Variants in ACMSD observed in about 807,000 individuals in gnomAD.
The protein encoded by ACMSD is 2-amino-3-carboxymuconate-6-semialdehyde decarboxylase.
ACMSD carries 37 observed loss-of-function variants against 45.9 expected under a neutral mutation model. The ratio of observed to expected loss-of-function variants is 0.81; its 90% CI spans 0.62 to 1.06. ACMSD has a LOEUF of 1.06. ACMSD is among the 50% of genes least tolerant of loss of function. The pLI, the probability that ACMSD is intolerant of heterozygous loss-of-function variation, is 0.00. For missense variants in ACMSD, 434 were observed against 420.9 expected, an observed-to-expected ratio of 1.03 and a Z score of -0.27; for synonymous variants, 138 against 148.8, an observed-to-expected ratio of 0.93 and a Z score of 0.53.
chr2:134,895,353 T>TA (rs1210824812), intron 8 of ACMSD, among the ~76,000 whole-genome samples: 1 of 141,542 alleles, frequency 7.1e-6, no homozygotes. Context: ...ATATATAACA[T>TA]ATATAATATA....
chr2:134,847,437 TAG>T lies in ACMSD; in HGVS notation c.102+2162_102+2163del, dbSNP rs771912047. ...ATAGATAGATAGATAGATAGATAGA[TAG>T]ATAGATAGATATAGATAGAGATAGA... On this transcript the variant is annotated intron_variant, in intron 2 of 9. Coordinates refer to ENST00000356140, the MANE Select transcript of ACMSD (RefSeq NM_138326.3). 1.9e-3 allele frequency among the ~76,000 whole-genome samples: 282 copies of T among 147,980 alleles called. 1 individual carries two copies. Among genetic ancestry groups the T allele is most frequent in the African/African-American group, 6.9e-3 (273 of 39,706 alleles).
intron 8 of ACMSD, among the ~76,000 whole-genome samples, chr2:134,894,774 G>C (rs1689998143): frequency 1.3e-5 from 2 of 152,184 alleles, no homozygotes; most frequent in East Asian, 3.9e-4. Context: ...AAAGCATCTA[G>C]ATTGGAAGAG....
chr2:134,877,989 C>A (rs1330152245), intron 8 of ACMSD, among the ~76,000 whole-genome samples: 1 of 152,166 alleles, frequency 6.6e-6, no homozygotes, highest in Non-Finnish European at 1.5e-5. Context: ...CTCACCCCTA[C>A]CAAGACTGCC....
chr2:134,884,023 G>A (rs796349691), intron 8 of ACMSD, among the ~76,000 whole-genome samples: 1 of 152,066 alleles, frequency 6.6e-6, no homozygotes, highest in African/African-American at 2.4e-5. Flanking sequence ...CGAAATTACT[G>A]ACAAGTCAGA....
intron 1 of ACMSD, 91 bp from the exon 2 acceptor site, chr2:134,845,142 G>A: frequency 1.5e-6 from 2 of 1,319,190 alleles, no homozygotes; most frequent in Non-Finnish European, 2.2e-6. Flanking sequence ...TGCTTGAAAG[G>A]TGGAGCTCAG....
At chr2:134,846,764 A>G (rs1687071353) in intron 2 of ACMSD, among the ~76,000 whole-genome samples, 1 of 152,060 alleles carries the variant, frequency 6.6e-6, no homozygotes, top group Non-Finnish European at 1.5e-5. Flanking sequence ...AGGCCCACCA[A>G]CCTAGACACT....
chr2:134,870,868 A>G, intron 6 of ACMSD, 97 bp from the exon 7 acceptor site: 1 of 1,038,058 alleles, frequency 9.6e-7, no homozygotes, highest in Non-Finnish European at 1.5e-6. Flanking sequence ...AAGGGCCTCA[A>G]GTTTCTTTGC....
chr2:134,899,582 A>G (rs1006154411), intron 9 of ACMSD, among the ~76,000 whole-genome samples: 3 of 152,140 alleles, frequency 2.0e-5, no homozygotes, highest in Non-Finnish European at 4.4e-5. Flanking sequence ...AACTTAATGG[A>G]ATAATAGTAA....
chr2:134,868,783 T>C (rs748189388), intron 6 of ACMSD, among the ~76,000 whole-genome samples: 9 of 152,078 alleles, frequency 5.9e-5, no homozygotes, highest in Non-Finnish European at 8.8e-5. Context: ...CATTGTTCTT[T>C]CTCTCCTCAG....
Position 134,861,867 on chromosome 2 carries a change from G to C in ACMSD, c.200-102G>C, listed in dbSNP as rs1687865494. 1.1e-5 allele frequency: 13 copies of C among 1,222,302 alleles called. No homozygotes were observed. In the South Asian group the frequency reaches 1.3e-4, roughly 12 times the overall value. 75.7% of individuals were successfully genotyped at this position (1,222,302 alleles called of 1,614,324 possible). A position where few individuals can be genotyped will look rare whatever the true frequency, so the allele number is the denominator to read the frequency against. On this transcript the variant is annotated intron_variant, in intron 3 of 9. Transcript: ENST00000356140. ...AGGGACGCAGGGAGGGAGAGCAGGA[G>C]GAGTTTAGGGTGGAGGCTTGCTGCC...
intron 2 of ACMSD, among the ~76,000 whole-genome samples, chr2:134,855,393 C>A (rs185204651): frequency 5.3e-5 from 8 of 152,342 alleles, no homozygotes; most frequent in Non-Finnish European, 1.5e-5. Flanking sequence ...ATGGCCACTG[C>A]TGGAATCACT....
At chr2:134,879,902 G>C (rs565237403) in intron 8 of ACMSD, among the ~76,000 whole-genome samples, 1 of 152,032 alleles carries the variant, frequency 6.6e-6, no homozygotes, top group East Asian at 1.9e-4. Context: ...CTCTTCATGA[G>C]GATATTCTCA....
chr2:134,852,551 C>CG (rs1324577540), intron 2 of ACMSD, among the ~76,000 whole-genome samples: 1 of 152,126 alleles, frequency 6.6e-6, no homozygotes, highest in Non-Finnish European at 1.5e-5. Flanking sequence ...AGCAAAGTAA[C>CG]GTAGGCTTGA....
intron 2 of ACMSD, among the ~76,000 whole-genome samples, chr2:134,848,592 G>A (rs1053412422): frequency 7.2e-5 from 11 of 152,158 alleles, no homozygotes; most frequent in African/African-American, 1.2e-4. Flanking sequence ...AGAAGTGTCT[G>A]TTCATATCCT....
At chr2:134,888,492 A>T (rs887005142) in intron 8 of ACMSD, among the ~76,000 whole-genome samples, 1 of 152,156 alleles carries the variant, frequency 6.6e-6, no homozygotes, top group African/African-American at 2.4e-5. Flanking sequence ...GAAAATACAT[A>T]TCCACACACA....
chr2:134,893,315 C>T (rs147808498), intron 8 of ACMSD, among the ~76,000 whole-genome samples: 195 of 151,654 alleles, frequency 1.3e-3, no homozygotes, highest in African/African-American at 4.1e-3. Flanking sequence ...CCTTCCACCT[C>T]AGCCTCCCAA....
At chr2:134,876,204 T>C (rs1276520551) in intron 8 of ACMSD, among the ~76,000 whole-genome samples, 3 of 152,190 alleles carry the variant, frequency 2.0e-5, no homozygotes, top group Non-Finnish European at 4.4e-5. Context: ...TATATTACTG[T>C]AGATTTCATA....
chr2:134,891,487 G>A (rs1001088810), intron 8 of ACMSD, among the ~76,000 whole-genome samples: 1 of 152,078 alleles, frequency 6.6e-6, no homozygotes, highest in Non-Finnish European at 1.5e-5. Context: ...GTGAAAAAAT[G>A]TTTAATATCA....
At chr2:134,881,077 G>T (rs1282674872) in intron 8 of ACMSD, among the ~76,000 whole-genome samples, 8 of 152,178 alleles carry the variant, frequency 5.3e-5, no homozygotes, top group Non-Finnish European at 1.0e-4. Flanking sequence ...TCAGCTCACC[G>T]CATCCTCTGC....
Sources: allele counts gnomAD v4.1 joint callset (sites outside exome capture counted in the v4.1 genomes callset), GRCh38; gene constraint gnomAD v4.1.1; transcripts MANE v1.5; gene names NCBI Gene and HGNC (gene_info 2026-07-23, HGNC 2026-07-21).